Variants in UNC13C observed in about 807,000 individuals in gnomAD.
UNC13C encodes protein unc-13 homolog C.
Under a neutral mutation model 245.4 loss-of-function variants are expected in UNC13C, and 174 were observed. The ratio of observed to expected loss-of-function variants is 0.71; its 90% CI spans 0.63 to 0.80. UNC13C has a LOEUF of 0.80. Among genes scored for constraint, UNC13C ranks in the 30% least tolerant of loss-of-function variants. The pLI, the probability that UNC13C is intolerant of heterozygous loss-of-function variation, is 0.00. For synonymous variants in UNC13C, 992 were observed against 895.1 expected (o/e 1.11, Z -1.93); for missense variants, 2,829 against 2,602.9 (o/e 1.09, Z -1.89).
At chr15:54,458,280 A>G (rs1891644034) in intron 19 of UNC13C, among the ~76,000 whole-genome samples, 1 of 152,024 alleles carries the variant, frequency 6.6e-6, no homozygotes. Context: ...TCTTAAATTT[A>G]TTGAGACTTG....
At position 54,393,165 on chromosome 15, in the gene UNC13C, A is replaced by G; in HGVS notation, c.4831A>G (p.Thr1611Ala). 1 of 1,593,622 alleles carries G rather than the reference A, an allele frequency of 6.3e-7. No individual in the cohort carries two copies. Among genetic ancestry groups the G allele is most frequent in the Non-Finnish European group, 8.5e-7 (1 of 1,173,392 alleles). Residue 1611 changes from threonine (T) to alanine (A), a missense_variant, in exon 18 of 33, where the codon ACA becomes GCA. Thr to Ala is a moderately conservative substitution (Grantham distance 58, BLOSUM62 0). Transcript: ENST00000260323. Reference sequence around the variant, plus strand: ...TATTGATGAGGATAAAACTGCCTACACACCTGTCCTGAATCAGTAAGTACA... The same window carrying G: ...TATTGATGAGGATAAAACTGCCTACGCACCTGTCCTGAATCAGTAAGTACA... ...TIIDEDKTAY[T>A]PVLNQFPQEL...
At chr15:54,445,378 C>G (rs1890752067) in intron 19 of UNC13C, among the ~76,000 whole-genome samples, 1 of 151,546 alleles carries the variant, frequency 6.6e-6, no homozygotes, top group African/African-American at 2.4e-5. Context: ...AATGGGCACA[C>G]TGTCTTCTAC....
At chr15:54,161,804 A>AG (rs1255699288) in intron 4 of UNC13C, among the ~76,000 whole-genome samples, 1 of 152,066 alleles carries the variant, frequency 6.6e-6, no homozygotes, top group Non-Finnish European at 1.5e-5. Context: ...TACAAAAAAA[A>AG]TTAGCCAGGC....
chr15:54,332,478 G>T (rs2038465266), intron 15 of UNC13C, among the ~76,000 whole-genome samples: 1 of 151,914 alleles, frequency 6.6e-6, no homozygotes, highest in Non-Finnish European at 1.5e-5. Flanking sequence ...ATACTCTGCT[G>T]ATATTTCCCC....
At chr15:54,104,810 T>G (rs754616504) in intron 2 of UNC13C, among the ~76,000 whole-genome samples, 1 of 152,218 alleles carries the variant, frequency 6.6e-6, no homozygotes. Flanking sequence ...CATTGTTTTG[T>G]AATCCTTATC....
intron 2 of UNC13C, among the ~76,000 whole-genome samples, chr15:54,030,054 TC>T (rs1441471997): frequency 1.3e-5 from 2 of 152,216 alleles, no homozygotes; most frequent in African/African-American, 4.8e-5. Flanking sequence ...CTGAGTCAAG[TC>T]CCTATTGTCT....
intron 1 of UNC13C, among the ~76,000 whole-genome samples, chr15:54,000,956 C>CA (rs1208843033): frequency 6.6e-6 from 1 of 152,012 alleles, no homozygotes; most frequent in Non-Finnish European, 1.5e-5. Flanking sequence ...TAGAGAAATA[C>CA]AAAAAAATTT....
intron 18 of UNC13C, among the ~76,000 whole-genome samples, chr15:54,396,313 T>C (rs2040068893): frequency 6.6e-6 from 1 of 151,696 alleles, no homozygotes; most frequent in Admixed American, 6.6e-5. Context: ...ATGAATTAGT[T>C]TGGAAATGTT....
chr15:53,978,406 A>AGGAGGCTGGGGATCGCAGTGCC (rs1893785566), upstream of UNC13C, among the ~76,000 whole-genome samples: 1 of 150,508 alleles, frequency 6.6e-6, no homozygotes, highest in Non-Finnish European at 1.5e-5. Context: ...CTCTCGGTGG[A>AGGAGGCTGGGGATCGCAGTGCC]GGAGGCTGGG....
At chr15:54,130,030 C>G (rs2031312187) in intron 2 of UNC13C, among the ~76,000 whole-genome samples, 1 of 151,298 alleles carries the variant, frequency 6.6e-6, no homozygotes, top group African/African-American at 2.4e-5. Context: ...AAATTTATCT[C>G]ACAAATATAT....
intron 1 of UNC13C, among the ~76,000 whole-genome samples, chr15:54,006,665 C>T (rs928268832): frequency 6.6e-6 from 1 of 152,162 alleles, no homozygotes; most frequent in African/African-American, 2.4e-5. Context: ...CTGATAAAGA[C>T]ATTCTAGAGG....
intron 30 of UNC13C, among the ~76,000 whole-genome samples, chr15:54,584,214 G>T (rs780739325): frequency 6.6e-6 from 1 of 152,060 alleles, no homozygotes; most frequent in Non-Finnish European, 1.5e-5. Flanking sequence ...TATATAAATC[G>T]CAACAGAAAG....
chr15:54,136,793 A>G (rs572391426), intron 2 of UNC13C, among the ~76,000 whole-genome samples: 1 of 151,914 alleles, frequency 6.6e-6, no homozygotes, highest in Non-Finnish European at 1.5e-5. Context: ...TTCTGCATCT[A>G]TTCAGATCAT....
downstream of UNC13C, chr15:54,629,175 T>TAACAAACA (rs369674139): frequency 6.6e-6 from 1 of 151,878 alleles, no homozygotes; most frequent in African/African-American, 2.4e-5. Context: ...TGAAGCAAAC[T>TAACAAACA]AACACAGGAA....
At chr15:54,376,460 C>G (rs1052828047) in intron 17 of UNC13C, among the ~76,000 whole-genome samples, 15 of 152,178 alleles carry the variant, frequency 9.9e-5, no homozygotes, top group African/African-American at 3.6e-4. Flanking sequence ...TATGTTATTA[C>G]AGATAAAACT....
chr15:53,971,247 T>A, the UNC13C span, among the ~76,000 whole-genome samples: 2,420 of 152,330 alleles, frequency 0.016, 70 homozygotes, highest in African/African-American at 0.055. Context: ...GATATGCTCC[T>A]GCAAATGAGT....
At position 54,532,994 on chromosome 15, in the gene UNC13C, C is replaced by A. The variant is rs1414166743; in HGVS notation, c.5624C>A (p.Thr1875Lys). Residue 1875 changes from threonine (T) to lysine (K), a missense_variant, in exon 26 of 33, where the codon ACA (threonine) becomes AAA (lysine). Coordinates refer to ENST00000260323, the MANE Select transcript of UNC13C (RefSeq NM_001080534.3). ...LNQMRANGNTTSNKNSAAMDA... is the reference protein window; with the variant it reads ...LNQMRANGNTKSNKNSAAMDA... ...CAAATGAGAGCAAATGGAAACACCA[C>A]ATCTAATAAGAACAGTGCAGCAATG... The A allele has an allele frequency of 1.3e-6, 2 of 1,599,804 alleles. No individual in the cohort carries two copies. The highest frequency in any genetic ancestry group is 1.7e-6 in the Non-Finnish European group (2 of 1,171,854).
At chr15:54,294,124 C>T (rs926718450) in intron 11 of UNC13C, 60 bp downstream of exon 11, 2 of 1,345,034 alleles carry the variant, frequency 1.5e-6, no homozygotes, top group Admixed American at 2.9e-5. Flanking sequence ...ATACCTGTGG[C>T]ATGTATTACA....
At chr15:54,335,648 T>C (rs2038554519) in intron 16 of UNC13C, among the ~76,000 whole-genome samples, 2 of 152,152 alleles carry the variant, frequency 1.3e-5, no homozygotes, top group South Asian at 2.1e-4. Flanking sequence ...TCATACACGA[T>C]GTAGCATAAC....
Sources: gnomAD v4.1 joint callset for allele counts (sites outside exome capture counted in the v4.1 genomes callset) on GRCh38, gnomAD v4.1.1 for gene constraint, MANE v1.5 for transcripts, NCBI Gene and HGNC (gene_info 2026-07-23, HGNC 2026-07-21) for gene names.